COL4A3: variants seen among roughly 807,000 people sequenced by gnomAD.
COL4A3 encodes collagen alpha-3(IV) chain.
A neutral mutation model predicts 217.4 loss-of-function variants in COL4A3; 135 were observed. That is an observed-to-expected ratio of 0.62 (90% CI 0.54 to 0.72). COL4A3 has a LOEUF of 0.72. COL4A3 is among the 30% of genes least tolerant of loss of function. The pLI is 0.00. For missense variants in COL4A3, 1,868 were observed against 2,119.9 expected, an observed-to-expected ratio of 0.88 and a Z score of 2.33; for synonymous variants, 690 against 736.3, an observed-to-expected ratio of 0.94 and a Z score of 1.02.
chr2:227,184,430 T>C (rs945309558), intron 1 of COL4A3, among the ~76,000 whole-genome samples: 1 of 152,328 alleles, frequency 6.6e-6, no homozygotes, highest in East Asian at 1.9e-4. Context: ...TATTGAAATA[T>C]CAGTCCTTCT....
In COL4A3 at chr2:227,226,210, C is replaced by T. The variant is rs1239947582; in HGVS notation, c.88-11758C>T. The stretch of plus-strand genomic sequence containing the variant: ...CCCTCTGTTTGTCTTCCTTTTAAGA[C>T]ACATTTATTTTATTGCCCTGTGAAG... On this transcript the variant is annotated intron_variant, in intron 1 of 51. Transcript: ENST00000396578. Among the ~76,000 whole-genome samples the T allele has an allele frequency of 3.3e-5, 5 of 152,066 alleles. No homozygotes were observed. In the South Asian group the frequency reaches 8.3e-4, roughly 25 times the overall value.
intron 1 of COL4A3, among the ~76,000 whole-genome samples, chr2:227,190,120 G>T (rs1189138287): frequency 6.6e-6 from 1 of 152,150 alleles, no homozygotes; most frequent in Non-Finnish European, 1.5e-5. Context: ...CACATTCCCT[G>T]ATGCATCTTA....
intron 50 of COL4A3, among the ~76,000 whole-genome samples, chr2:227,310,103 T>A (rs2073684125): frequency 6.6e-6 from 1 of 152,198 alleles, no homozygotes; most frequent in African/African-American, 2.4e-5. Context: ...GTCTATCTGC[T>A]CCAAAATCTG....
At chr2:227,187,130 G>A (rs17367344) in intron 1 of COL4A3, among the ~76,000 whole-genome samples, 83,609 of 152,036 alleles carry the variant, frequency 0.55, 23,743 homozygotes, top group African/African-American at 0.7. Context: ...CTATCTTTGT[G>A]TGCAGGAAGA....
At chr2:227,295,194 T>C (rs982638416) in intron 40 of COL4A3, 75 bp from the exon 41 acceptor site, 1 of 1,533,770 alleles carries the variant, frequency 6.5e-7, no homozygotes, top group Non-Finnish European at 9.0e-7. Context: ...TTTCGGTGTG[T>C]ACTAAACTTT....
intron 1 of COL4A3, among the ~76,000 whole-genome samples, chr2:227,225,173 T>A (rs1299911264): frequency 6.6e-6 from 1 of 152,238 alleles, no homozygotes; most frequent in Non-Finnish European, 1.5e-5. Context: ...CCCAAAATGC[T>A]AGGATAACAG....
intron 32 of COL4A3, 40 bp from the exon 33 acceptor site, chr2:227,283,727 T>C (rs1325352691): frequency 8.4e-6 from 13 of 1,555,504 alleles, no homozygotes; most frequent in Non-Finnish European, 1.2e-5. Context: ...TTTCTCACTC[T>C]GTACAACACG....
At chr2:227,235,877 G>A (rs572991906) in intron 1 of COL4A3, among the ~76,000 whole-genome samples, 6 of 148,554 alleles carry the variant, frequency 4.0e-5, no homozygotes, top group African/African-American at 1.5e-4. Context: ...AGGTTCAAGC[G>A]ATTCACCTGC....
chr2:227,238,137 C>T (rs1035826856), intron 2 of COL4A3, 113 bp downstream of exon 2: 4 of 712,414 alleles, frequency 5.6e-6, no homozygotes, highest in Non-Finnish European at 7.6e-6. Context: ...TTCCATTTCC[C>T]AAATCCAATG....
At position 227,203,193 on chromosome 2, in the gene COL4A3, A is replaced by G. The variant is rs1221124038; in HGVS notation, c.88-34775A>G. ...TATATATGTGTATATGTGTGTATAT[A>G]TACATATATGTGTATATACACACAT... On this transcript the variant is annotated intron_variant, in intron 1 of 51. Transcript: ENST00000396578. Among the ~76,000 whole-genome samples the G allele has an allele frequency of 1.4e-4, 4 of 29,196 alleles. 2 individuals carry two copies. Among genetic ancestry groups the G allele is most frequent in the African/African-American group, 3.5e-4 (2 of 5,654 alleles). The allele number at this position is 29,196 out of a possible 152,430, so 19.2% of individuals were successfully genotyped here.
At chr2:227,276,505 A>C (rs376565691) in intron 27 of COL4A3, 28 bp downstream of exon 27, 6 of 1,505,274 alleles carry the variant, frequency 4.0e-6, no homozygotes, top group Non-Finnish European at 5.6e-6. Flanking sequence ...AATCTGGTAC[A>C]TGGCATCAGA....
At chr2:227,286,431 G>T (rs2072329543) in intron 34 of COL4A3, among the ~76,000 whole-genome samples, 1 of 152,126 alleles carries the variant, frequency 6.6e-6, no homozygotes, top group Non-Finnish European at 1.5e-5. Flanking sequence ...AGAGGCAGAG[G>T]TTGCAATGAG....
intron 1 of COL4A3, among the ~76,000 whole-genome samples, chr2:227,215,230 C>A (rs1331689241): frequency 6.6e-6 from 1 of 151,648 alleles, no homozygotes; most frequent in African/African-American, 2.4e-5. Context: ...AATTTTAAAG[C>A]AATTCAAAAA....
In COL4A3 at chr2:227,277,464, T is replaced by C; in HGVS notation, c.2036T>C (p.Leu679Pro). Residue 679 changes from leucine to proline, a missense_variant, in exon 28 of 52, where the codon CTG (leucine) becomes CCG (proline). Coordinates refer to ENST00000396578, the MANE Select transcript of COL4A3 (RefSeq NM_000091.5). ...TGTTTCTAAGGTATCCCTGGATCCC[T>C]GGGGAAATGTGGAGATCCTGGTCTT... ...PQGPPGIPGS[L>P]GKCGDPGLPG... 1.2e-6 allele frequency: 2 copies of C among 1,611,174 alleles called. No homozygotes were observed. The highest frequency in any genetic ancestry group is 1.7e-6 in the Non-Finnish European group (2 of 1,178,326).
At chr2:227,181,408 T>G (rs1200955781) in intron 1 of COL4A3, among the ~76,000 whole-genome samples, 2 of 152,228 alleles carry the variant, frequency 1.3e-5, no homozygotes, top group African/African-American at 4.8e-5. Flanking sequence ...TGAATCCTTG[T>G]GAAGTTTCAA....
chr2:227,269,986 A>C lies in COL4A3; in HGVS notation c.1575+6A>C. 6.2e-7 allele frequency: 1 copy of C among 1,612,414 alleles called. No homozygotes were observed. The highest frequency in any genetic ancestry group is 8.5e-7 in the Non-Finnish European group (1 of 1,178,746). ...CAGGTCTTCCAGGATTTCCAGTAAG[A>C]TTTCATGTTTTTAAATCTTTAGCTT... is the stretch of plus-strand genomic sequence containing the variant. On this transcript the variant is annotated splice_donor_region_variant and intron_variant, in intron 24 of 51. Coordinates refer to ENST00000396578, the MANE Select transcript of COL4A3 (RefSeq NM_000091.5).
chr2:227,303,602 A>G (rs2073381941), intron 44 of COL4A3, among the ~76,000 whole-genome samples: 1 of 152,224 alleles, frequency 6.6e-6, no homozygotes, highest in Admixed American at 6.5e-5. Context: ...TTCCCCTTCA[A>G]TGTTAAAATA....
At chr2:227,262,645 G>C (rs1301137133) in intron 20 of COL4A3, among the ~76,000 whole-genome samples, 1 of 152,146 alleles carries the variant, frequency 6.6e-6, no homozygotes, top group African/African-American at 2.4e-5. Context: ...TTGTGTGTGT[G>C]TGGCTACCGC....
At chr2:227,201,480 C>T (rs773954091) in intron 1 of COL4A3, among the ~76,000 whole-genome samples, 6 of 152,130 alleles carry the variant, frequency 3.9e-5, no homozygotes, top group Admixed American at 2.0e-4. Context: ...GGTCTGAAGA[C>T]GCAGAAAGAA....
Sources: allele counts gnomAD v4.1 joint callset (sites outside exome capture counted in the v4.1 genomes callset), GRCh38; gene constraint gnomAD v4.1.1; transcripts MANE v1.5; gene names NCBI Gene and HGNC (gene_info 2026-07-23, HGNC 2026-07-21).